VIT: variants seen among roughly 807,000 people sequenced by gnomAD.
VIT encodes the protein vitrin.
VIT carries 99 observed loss-of-function variants against 78.0 expected under a neutral mutation model. The observed-to-expected ratio is 1.27, with a 90% CI of 1.08 to 1.50. The LOEUF (loss-of-function observed/expected upper bound fraction) is 1.50. VIT is among the 40% of genes most tolerant of loss of function. The pLI, the probability that VIT is intolerant of heterozygous loss-of-function variation, is 0.00. For missense variants in VIT, 1,126 were observed against 875.3 expected, an observed-to-expected ratio of 1.29 and a Z score of -3.61; for synonymous variants, 374 against 334.3, an observed-to-expected ratio of 1.12 and a Z score of -1.29.
At chr2:36,715,756 G>A (rs1558509012) in intron 1 of VIT, among the ~76,000 whole-genome samples, 1 of 152,100 alleles carries the variant, frequency 6.6e-6, no homozygotes, top group Non-Finnish European at 1.5e-5. Context: ...AGCAAAGTTT[G>A]AGAACCACTG....
chr2:36,752,944 C>T (rs1185884221), intron 4 of VIT, among the ~76,000 whole-genome samples: 1 of 152,146 alleles, frequency 6.6e-6, no homozygotes, highest in Non-Finnish European at 1.5e-5. Flanking sequence ...ATAGCAAAAA[C>T]ATGGAATCAA....
chr2:36,742,135 G>T (rs1667870696), intron 3 of VIT, among the ~76,000 whole-genome samples: 1 of 152,158 alleles, frequency 6.6e-6, no homozygotes, highest in African/African-American at 2.4e-5. Context: ...AGATCAAAAG[G>T]CACCAGTAAA....
intron 1 of VIT, among the ~76,000 whole-genome samples, chr2:36,714,959 A>C (rs958952936): frequency 1.5e-4 from 23 of 152,356 alleles, no homozygotes; most frequent in Non-Finnish European, 2.8e-4. Flanking sequence ...ATGGATCATC[A>C]GCATTTTCAT....
intron 3 of VIT, among the ~76,000 whole-genome samples, chr2:36,733,016 A>T (rs1008028469): frequency 6.6e-6 from 1 of 152,198 alleles, no homozygotes; most frequent in African/African-American, 2.4e-5. Context: ...GTAGAGGAAA[A>T]AGATGAAAAG....
At chr2:36,738,265 T>G (rs1210359157) in intron 3 of VIT, among the ~76,000 whole-genome samples, 1 of 152,162 alleles carries the variant, frequency 6.6e-6, no homozygotes, top group African/African-American at 2.4e-5. Flanking sequence ...GGCAACCAGG[T>G]GGAGCTGGCA....
chr2:36,761,192 C>T (rs1669098118), intron 6 of VIT, among the ~76,000 whole-genome samples: 1 of 152,328 alleles, frequency 6.6e-6, no homozygotes, highest in African/African-American at 2.4e-5. Flanking sequence ...CCTGGCAGGT[C>T]CCCACAATCT....
At chr2:36,713,678 G>C (rs939559231) in intron 1 of VIT, among the ~76,000 whole-genome samples, 2 of 152,184 alleles carry the variant, frequency 1.3e-5, no homozygotes, top group Non-Finnish European at 2.9e-5. Flanking sequence ...CTGAGAAATG[G>C]TCAGTTTCTG....
At chr2:36,726,726 G>A (rs1224328924) in intron 2 of VIT, among the ~76,000 whole-genome samples, 2 of 150,162 alleles carry the variant, frequency 1.3e-5, no homozygotes, top group Non-Finnish European at 2.9e-5. Context: ...GGCTGAGGTA[G>A]GAGAATCACT....
intron 2 of VIT, among the ~76,000 whole-genome samples, chr2:36,717,806 C>T (rs1003619079): frequency 6.6e-6 from 1 of 152,120 alleles, no homozygotes; most frequent in Non-Finnish European, 1.5e-5. Context: ...AACAAAACAC[C>T]GCAATCTGGG....
intron 1 of VIT, among the ~76,000 whole-genome samples, chr2:36,699,185 AG>A (rs1664863530): frequency 6.6e-6 from 1 of 152,114 alleles, no homozygotes; most frequent in South Asian, 2.1e-4. Flanking sequence ...TGTCAGTAGA[AG>A]GGCATTTAGC....
intron 9 of VIT, among the ~76,000 whole-genome samples, chr2:36,780,191 T>C (rs934830195): frequency 6.6e-6 from 1 of 152,234 alleles, no homozygotes; most frequent in Non-Finnish European, 1.5e-5. Flanking sequence ...GTGGCATGAA[T>C]ATAAGGACAG....
At chr2:36,791,044 G>A (rs778111994) in intron 12 of VIT, among the ~76,000 whole-genome samples, 1 of 152,168 alleles carries the variant, frequency 6.6e-6, no homozygotes, top group Non-Finnish European at 1.5e-5. Flanking sequence ...CCCCATCTCA[G>A]TATAAATGGA....
intron 1 of VIT, among the ~76,000 whole-genome samples, chr2:36,707,546 C>A (rs191616800): frequency 6.6e-6 from 1 of 152,190 alleles, no homozygotes; most frequent in Admixed American, 6.5e-5. Context: ...TGCCAGCAAG[C>A]GGGGATGTTT....
intron 5 of VIT, among the ~76,000 whole-genome samples, chr2:36,758,066 A>G (rs958913757): frequency 6.6e-6 from 1 of 152,212 alleles, no homozygotes; most frequent in Non-Finnish European, 1.5e-5. Context: ...CTGTAAAAGT[A>G]TTCCCTCCAG....
intron 12 of VIT, among the ~76,000 whole-genome samples, chr2:36,794,066 G>A (rs1245194643): frequency 6.6e-6 from 1 of 152,188 alleles, no homozygotes; most frequent in Non-Finnish European, 1.5e-5. Context: ...CAATTTCCCT[G>A]TCCCTAGCCC....
chr2:36,794,886 A>T (rs1665757914), intron 12 of VIT, among the ~76,000 whole-genome samples: 1 of 152,340 alleles, frequency 6.6e-6, no homozygotes, highest in East Asian at 1.9e-4. Flanking sequence ...GCACCTATTC[A>T]TTCATTATAT....
intron 12 of VIT, among the ~76,000 whole-genome samples, chr2:36,795,684 G>A (rs896595827): frequency 3.9e-5 from 6 of 152,006 alleles, no homozygotes; most frequent in African/African-American, 1.2e-4. Flanking sequence ...TAAAGTGCTG[G>A]GATTACAGGC....
rs766712962 is a variant in VIT at position 36,773,881 on chromosome 2, G to C, written c.736+34G>C. On this transcript the variant is annotated intron_variant, in intron 8 of 15. Transcript: ENST00000379242. Reference sequence around the variant, plus strand: ...TTAAACTCCCTTTCCAGCCACTGATGAAAGTTAAGCTTGTTTACATGCGGT... The same window carrying C: ...TTAAACTCCCTTTCCAGCCACTGATCAAAGTTAAGCTTGTTTACATGCGGT... 17 of 1,571,236 alleles carry C rather than the reference G, an allele frequency of 1.1e-5. No individual in the cohort carries two copies. The South Asian group carries it at 2.1e-4, about 19-fold the overall frequency.
chr2:36,699,775 G>A (rs575174655), intron 1 of VIT, among the ~76,000 whole-genome samples: 53 of 152,082 alleles, frequency 3.5e-4, no homozygotes, highest in Middle Eastern at 3.2e-3. Flanking sequence ...AACCCCATTC[G>A]GAAAGAATGT....
Sources: gnomAD v4.1 joint callset for allele counts (sites outside exome capture counted in the v4.1 genomes callset) on GRCh38, gnomAD v4.1.1 for gene constraint, MANE v1.5 for transcripts, NCBI Gene and HGNC (gene_info 2026-07-23, HGNC 2026-07-21) for gene names.